The following SMYD1 variants were observed in gnomAD, a reference collection of about 807,000 sequenced individuals.
SMYD1 encodes the protein histone-lysine N-methyltransferase SMYD1.
In SMYD1, 49 loss-of-function variants were observed where a neutral mutation model predicts 54.0. The observed-to-expected ratio is 0.91, with a 90% CI of 0.72 to 1.15. The LOEUF (loss-of-function observed/expected upper bound fraction) is 1.15, where lower values mean the gene tolerates loss of function less well. Among genes scored for constraint, SMYD1 ranks in the 50% most tolerant of loss-of-function variants. The pLI, the probability that SMYD1 is intolerant of heterozygous loss-of-function variation, is 0.00. For synonymous variants in SMYD1, 269 were observed against 234.2 expected, an observed-to-expected ratio of 1.15 and a Z score of -1.36; for missense variants, 653 against 639.6, an observed-to-expected ratio of 1.02 and a Z score of -0.23.
rs1239125558 is a variant in SMYD1 at position 88,084,385 on chromosome 2, G to A, written c.207G>A (p.Lys69=). Residue 69 remains lysine, a synonymous_variant, in exon 2 of 10, where the codon AAG becomes AAA. Transcript: ENST00000419482. The stretch of plus-strand genomic sequence containing the variant: ...AGCTCCATCGCTGTGGGCAGTGCAA[G>A]TTTGCCCATTACTGCGACCGCACCT... ...QEKLHRCGQC[K]FAHYCDRTCQ... is the part of the protein sequence containing the mutation. 1 of 1,607,600 alleles carries A rather than the reference G, an allele frequency of 6.2e-7. No individual in the cohort carries two copies. The highest frequency in any genetic ancestry group is 1.1e-5 in the South Asian group (1 of 90,816).
intron 6 of SMYD1, among the ~76,000 whole-genome samples, chr2:88,098,935 A>G (rs1000214551): frequency 6.6e-6 from 1 of 152,244 alleles, no homozygotes; most frequent in Non-Finnish European, 1.5e-5. Flanking sequence ...ATATATGCGT[A>G]TGTAAACCTA....
At chr2:88,074,057 G>C (rs1674005285) in intron 1 of SMYD1, among the ~76,000 whole-genome samples, 1 of 152,150 alleles carries the variant, frequency 6.6e-6, no homozygotes, top group Non-Finnish European at 1.5e-5. Context: ...AAGAAGATGG[G>C]GTTTCACTAT....
intron 2 of SMYD1, among the ~76,000 whole-genome samples, chr2:88,087,048 AAAAT>A (rs1367311074): frequency 7.6e-6 from 1 of 131,616 alleles, no homozygotes; most frequent in East Asian, 2.4e-4. Context: ...CAAAAAAATA[AAAAT>A]AAATAAAGAG....
At chr2:88,109,920 T>C (rs1674970382) in intron 9 of SMYD1, among the ~76,000 whole-genome samples, 1 of 152,150 alleles carries the variant, frequency 6.6e-6, no homozygotes, top group Admixed American at 6.5e-5. Flanking sequence ...GGATGAGGGC[T>C]CTTCTGTGTG....
intron 8 of SMYD1, among the ~76,000 whole-genome samples, chr2:88,107,045 C>T (rs1012328633): frequency 2.0e-5 from 3 of 151,034 alleles, no homozygotes; most frequent in African/African-American, 7.4e-5. Context: ...TTAAAAAATA[C>T]AAAAAATTAG....
At chr2:88,082,191 A>G (rs1674213891) in intron 1 of SMYD1, among the ~76,000 whole-genome samples, 1 of 152,116 alleles carries the variant, frequency 6.6e-6, no homozygotes, top group Non-Finnish European at 1.5e-5. Flanking sequence ...GCGCAGTTCT[A>G]AGTATGCTAG....
intron 8 of SMYD1, among the ~76,000 whole-genome samples, chr2:88,107,890 C>CA (rs1674918021): frequency 6.6e-6 from 1 of 152,234 alleles, no homozygotes; most frequent in Non-Finnish European, 1.5e-5. Context: ...CTTGCACTTC[C>CA]CAGGTGAGGT....
At chr2:88,083,682 C>T (rs1021845221) in intron 1 of SMYD1, among the ~76,000 whole-genome samples, 3 of 152,206 alleles carry the variant, frequency 2.0e-5, no homozygotes, top group Non-Finnish European at 4.4e-5. Flanking sequence ...AATTGTTTCT[C>T]TAGTAATTTG....
intron 3 of SMYD1, among the ~76,000 whole-genome samples, chr2:88,090,566 A>G (rs1373589237): frequency 6.6e-6 from 1 of 151,662 alleles, no homozygotes; most frequent in Non-Finnish European, 1.5e-5. Context: ...AGAGATGTCA[A>G]TTTTTTTTTA....
In SMYD1 at chr2:88,088,062, A is replaced by G; in HGVS notation, c.515A>G (p.His172Arg). 1 of 1,613,528 alleles carries G rather than the reference A, an allele frequency of 6.2e-7. No individual in the cohort carries two copies. The highest frequency in any genetic ancestry group is 1.1e-5 in the South Asian group (1 of 91,022). Residue 172 changes from histidine (H) to arginine (R), a missense_variant, in exon 3 of 10, where the codon CAC becomes CGC. Transcript: ENST00000419482. ...SQQFSMQYIS[H>R]IFGVINCNGF... Reference sequence around the variant, plus strand: ...CAGTTCAGCATGCAGTACATCTCGCACATCTTCGGAGTGGTAGGCCCCCTG... The same window carrying G: ...CAGTTCAGCATGCAGTACATCTCGCGCATCTTCGGAGTGGTAGGCCCCCTG...
intron 1 of SMYD1, among the ~76,000 whole-genome samples, chr2:88,071,219 A>G (rs1463327105): frequency 6.6e-6 from 1 of 152,144 alleles, no homozygotes; most frequent in Non-Finnish European, 1.5e-5. Context: ...TTTTGCTCCT[A>G]TCTCTTGGAA....
At chr2:88,088,316 G>A (rs1558851881) in intron 3 of SMYD1, among the ~76,000 whole-genome samples, 1 of 152,180 alleles carries the variant, frequency 6.6e-6, no homozygotes, top group African/African-American at 2.4e-5. Flanking sequence ...CCATTTCTGA[G>A]CCCAGGGACA....
chr2:88,101,525 C>T lies in SMYD1; in HGVS notation c.889-1533C>T, dbSNP rs74697677. ...ACACACATATGCATGTGTGTGCACA[C>T]GTAGGACTGAAATTCAGCCAGTGCT... On this transcript the variant is annotated intron_variant, in intron 6 of 9. Transcript: ENST00000419482. 6.8e-3 allele frequency among the ~76,000 whole-genome samples: 1,035 copies of T among 152,284 alleles called. 12 individuals are homozygous for T. Among genetic ancestry groups the T allele is most frequent in the African/African-American group, 0.023 (956 of 41,538 alleles).
chr2:88,088,368 A>G (rs1451438525), intron 3 of SMYD1, among the ~76,000 whole-genome samples: 1 of 152,164 alleles, frequency 6.6e-6, no homozygotes, highest in Non-Finnish European at 1.5e-5. Flanking sequence ...GAGATTCTAG[A>G]GTATGATTCC....
In SMYD1 at chr2:88,068,531, T is replaced by A. The variant is rs369385216; in HGVS notation, c.137+530T>A. 2.3e-4 allele frequency among the ~76,000 whole-genome samples: 35 copies of A among 152,214 alleles called. 1 individual carries two copies. The South Asian group carries it at 7.1e-3, about 31-fold the overall frequency. ...GATATTACCCCTGCTATTATTTCAA[T>A]GTATTTCCTTCTAGAATGTTCCTGT... On this transcript the variant is annotated intron_variant, in intron 1 of 9. Transcript: ENST00000419482.
chr2:88,076,834 C>T, intron 1 of SMYD1, among the ~76,000 whole-genome samples: 1 of 151,948 alleles, frequency 6.6e-6, no homozygotes. Flanking sequence ...TAATGAAATT[C>T]CATCTCTACA....
At chr2:88,092,350 G>C (rs766570210) in intron 4 of SMYD1, among the ~76,000 whole-genome samples, 1 of 152,150 alleles carries the variant, frequency 6.6e-6, no homozygotes, top group African/African-American at 2.4e-5. Flanking sequence ...GCTCCTGGTG[G>C]TCCATGGCTC....
intron 1 of SMYD1, among the ~76,000 whole-genome samples, chr2:88,081,011 T>A (rs1427325939): frequency 1.3e-5 from 2 of 151,978 alleles, no homozygotes; most frequent in Non-Finnish European, 2.9e-5. Context: ...CAAGCGATTC[T>A]CCTGCCTCAG....
At chr2:88,074,612 A>G (rs905340247) in intron 1 of SMYD1, among the ~76,000 whole-genome samples, 2 of 152,246 alleles carry the variant, frequency 1.3e-5, no homozygotes, top group African/African-American at 4.8e-5. Context: ...GATCCAATTC[A>G]TCACAAAATA....
Sources: gnomAD v4.1 joint callset for allele counts (sites outside exome capture counted in the v4.1 genomes callset) on GRCh38, gnomAD v4.1.1 for gene constraint, MANE v1.5 for transcripts, NCBI Gene and HGNC (gene_info 2026-07-23, HGNC 2026-07-21) for gene names.